The following COA5 variants were observed in gnomAD, a reference collection of about 807,000 sequenced individuals.
COA5 encodes protein C2orf64.
In COA5, 11 loss-of-function variants were observed where a neutral mutation model predicts 11.8. The observed-to-expected ratio is 0.93, with a 90% CI of 0.59 to 1.54. The LOEUF (loss-of-function observed/expected upper bound fraction) is 1.54, where lower values mean the gene tolerates loss of function less well. Ranked by LOEUF, COA5 falls within the 40% of genes most tolerant of loss-of-function variation. The pLI is 0.00. For missense variants in COA5, 87 were observed against 89.2 expected (o/e 0.97, Z 0.10); for synonymous variants, 38 against 37.5 (o/e 1.01, Z -0.05).
At chr2:98,606,763 G>A (rs1446613454) in intron 1 of COA5, among the ~76,000 whole-genome samples, 5 of 152,122 alleles carry the variant, frequency 3.3e-5, no homozygotes, top group African/African-American at 1.2e-4. Context: ...GCCTTCCGAT[G>A]CTGAACGTCT....
chr2:98,605,298 T>G (rs1437382267), intron 1 of COA5, among the ~76,000 whole-genome samples: 4 of 152,232 alleles, frequency 2.6e-5, no homozygotes, highest in African/African-American at 9.6e-5. Context: ...GAAACAGGTG[T>G]AGAACTTCTG....
intron 1 of COA5, among the ~76,000 whole-genome samples, chr2:98,607,202 C>G (rs1195460928): frequency 6.6e-6 from 1 of 152,138 alleles, no homozygotes; most frequent in Non-Finnish European, 1.5e-5. Context: ...GTTACTGATT[C>G]ATCTTCGTTA....
chr2:98,605,975 T>C (rs1434323631), intron 1 of COA5: 2 of 152,244 alleles, frequency 1.3e-5, no homozygotes, highest in Non-Finnish European at 2.9e-5. Flanking sequence ...ATCCTTACCA[T>C]TACCCTGAGT....
intron 1 of COA5, among the ~76,000 whole-genome samples, chr2:98,608,013 A>G (rs1301585844): frequency 6.6e-6 from 1 of 152,224 alleles, no homozygotes; most frequent in Non-Finnish European, 1.5e-5. Flanking sequence ...ATTCTCCTTT[A>G]TGTCTCCAAA....
chr2:98,608,102 G>A (rs564562702), intron 1 of COA5, among the ~76,000 whole-genome samples: 1 of 152,384 alleles, frequency 6.6e-6, no homozygotes, highest in South Asian at 2.1e-4. Flanking sequence ...GACAGGGTGC[G>A]TTTATCGTTA....
intron 2 of COA5, among the ~76,000 whole-genome samples, chr2:98,603,389 G>A (rs1282980433): frequency 6.6e-6 from 1 of 152,084 alleles, no homozygotes; most frequent in African/African-American, 2.4e-5. Flanking sequence ...GCTGAGGCAG[G>A]AGAATCTCTT....
chr2:98,603,746 C>A (rs1008398984), intron 2 of COA5, among the ~76,000 whole-genome samples: 2 of 152,178 alleles, frequency 1.3e-5, no homozygotes, highest in African/African-American at 4.8e-5. Context: ...ACATAAGGCA[C>A]AAATGTATAC....
chr2:98,603,497 C>CAA (rs376778762), intron 2 of COA5, among the ~76,000 whole-genome samples: 16 of 147,012 alleles, frequency 1.1e-4, no homozygotes, highest in Middle Eastern at 3.5e-3. Flanking sequence ...AAACAAAAAA[C>CAA]AAAAAAAAAA....
chr2:98,604,191 C>T lies in COA5; in HGVS notation c.100G>A (p.Glu34Lys). The change falls in exon 2 of 3, where the codon GAA (glutamate) becomes AAA (lysine). Residue 34 changes from glutamate to lysine, a missense_variant and splice_region_variant. By Grantham distance (56) the Glu-to-Lys change is moderately conservative. Transcript: ENST00000328709. ...CLLQSDCVVQEGKSPRQCLKE... is the reference protein window; with the variant it reads ...CLLQSDCVVQKGKSPRQCLKE... ...AAACACTGCCGAGGTGATTTTCCTT[C>T]CTATGACAGACACATAAAACAATAT... 6.2e-7 allele frequency: 1 copy of T among 1,610,624 alleles called. No individual in the cohort carries two copies. The highest frequency in any genetic ancestry group is 1.7e-5 in the Admixed American group (1 of 60,014).
intron 1 of COA5, 23 bp from the exon 2 acceptor site, chr2:98,604,214 T>C (rs1184065758): frequency 6.4e-7 from 1 of 1,551,664 alleles, no homozygotes; most frequent in Non-Finnish European, 8.9e-7. Flanking sequence ...CATAAAACAA[T>C]ATAAACACCT....
At chr2:98,602,135 T>C (rs962335342) in intron 2 of COA5, among the ~76,000 whole-genome samples, 1 of 152,222 alleles carries the variant, frequency 6.6e-6, no homozygotes, top group African/African-American at 2.4e-5. Context: ...GGAATCAGGA[T>C]GGTGAACTGC....
rs559878755 is a variant in COA5 at position 98,607,304 on chromosome 2, C to G, written c.99+1003G>C. ...ACCAGTGAGTAAGGGGCAGAAGGGACACAGCCCTGGACAGGGGAGCCTGAA... is the reference window on the plus strand; with the variant it reads ...ACCAGTGAGTAAGGGGCAGAAGGGAGACAGCCCTGGACAGGGGAGCCTGAA... On this transcript the variant is annotated intron_variant, in intron 1 of 2. Transcript: ENST00000328709. 2.0e-5 allele frequency among the ~76,000 whole-genome samples: 3 copies of G among 152,310 alleles called. No homozygotes were observed. The East Asian group carries it at 5.8e-4, about 29-fold the overall frequency.
At chr2:98,608,173 C>G in intron 1 of COA5, 134 bp downstream of exon 1, 1 of 695,550 alleles carries the variant, frequency 1.4e-6, no homozygotes, top group South Asian at 1.6e-5. Context: ...TGCGCACGTT[C>G]AGTGAGCCCG....
chr2:98,606,466 A>G (rs1395717656), intron 1 of COA5, among the ~76,000 whole-genome samples: 1 of 152,234 alleles, frequency 6.6e-6, no homozygotes, highest in Non-Finnish European at 1.5e-5. Flanking sequence ...GTAAGGCCAC[A>G]TATTCAATGG....
At chr2:98,601,126 T>C (rs1700636440) in intron 2 of COA5, among the ~76,000 whole-genome samples, 1 of 152,008 alleles carries the variant, frequency 6.6e-6, no homozygotes, top group Non-Finnish European at 1.5e-5. Context: ...GCATCTGTAA[T>C]CCCAGCTACT....
chr2:98,605,104 T>TTG (rs1402328671), intron 1 of COA5, among the ~76,000 whole-genome samples: 9 of 152,176 alleles, frequency 5.9e-5, no homozygotes, highest in African/African-American at 2.2e-4. Context: ...CTGCCTGGGG[T>TTG]AAAGATCCAT....
chr2:98,607,087 A>G (rs1375644519), intron 1 of COA5, among the ~76,000 whole-genome samples: 1 of 152,254 alleles, frequency 6.6e-6, no homozygotes, highest in Non-Finnish European at 1.5e-5. Flanking sequence ...CTCAAGATCT[A>G]GTCATTAAAC....
At chr2:98,602,928 G>C (rs1177671698) in intron 2 of COA5, among the ~76,000 whole-genome samples, 4 of 152,130 alleles carry the variant, frequency 2.6e-5, no homozygotes, top group Non-Finnish European at 5.9e-5. Flanking sequence ...TTTTACATGG[G>C]TAACAAATCT....
Position 98,599,755 on chromosome 2 carries a change from G to A in COA5, c.*997C>T, listed in dbSNP as rs188113274. Reference sequence around the variant, plus strand: ...GTGATCAGAATAAAATTACTGTAAGGCTAATCTTCAACCACTTCATGGTTT... The same window carrying A: ...GTGATCAGAATAAAATTACTGTAAGACTAATCTTCAACCACTTCATGGTTT... On this transcript the variant is annotated 3_prime_UTR_variant, in exon 3 of 3. Transcript: ENST00000328709. 3 of 152,310 alleles carry A rather than the reference G, an allele frequency of 2.0e-5. No individual in the cohort carries two copies. The highest frequency in any genetic ancestry group is 2.0e-4 in the Admixed American group (3 of 15,296). 9.4% of individuals were successfully genotyped at this position (152,310 alleles called of 1,614,324 possible).
Sources: allele counts gnomAD v4.1 joint callset (sites outside exome capture counted in the v4.1 genomes callset), GRCh38; gene constraint gnomAD v4.1.1; transcripts MANE v1.5; gene names NCBI Gene and HGNC (gene_info 2026-07-23, HGNC 2026-07-21).